Variants in SMARCD3 observed in about 807,000 individuals in gnomAD.
The protein encoded by SMARCD3 is SWI/SNF related BAF chromatin remodeling complex subunit D3.
Under a neutral mutation model 58.0 loss-of-function variants are expected in SMARCD3, and 14 were observed. That is an observed-to-expected ratio of 0.24 (90% CI 0.16 to 0.38). The LOEUF (loss-of-function observed/expected upper bound fraction) is 0.38. SMARCD3 is among the 10% of genes least tolerant of loss of function. The pLI, the probability that SMARCD3 is intolerant of heterozygous loss-of-function variation, is 1.00. For missense variants in SMARCD3, 408 were observed against 636.9 expected (o/e 0.64, Z 3.87); for synonymous variants, 253 against 253.8 (o/e 1.00, Z 0.03).
Position 151,243,520 on chromosome 7 carries a change from A to G in SMARCD3, c.333+139T>C. The G allele has an allele frequency of 1.5e-6, 1 of 662,738 alleles. No homozygotes were observed. The allele number at this position is 662,738 out of a possible 1,614,324, so 41.1% of individuals were successfully genotyped here. A position where few individuals can be genotyped will look rare whatever the true frequency, so the allele number is the denominator to read the frequency against. On this transcript the variant is annotated intron_variant, in intron 3 of 12. Transcript: ENST00000262188. The surrounding 1 kb of genome is among the most constrained non-coding windows in gnomAD (Gnocchi z 4.4). ...CTCACCCCCTCCCTCTGGCCTGCGG[A>G]GCCTCACTTATTAATGAGCTTTTTT...
At chr7:151,269,346 A>T (rs1036894522) in intron 2 of SMARCD3, among the ~76,000 whole-genome samples, 1 of 151,946 alleles carries the variant, frequency 6.6e-6, no homozygotes, top group African/African-American at 2.4e-5. Context: ...AAGCCTACAC[A>T]CCCTCGAGTC....
At chr7:151,258,986 C>T (rs925817801) in intron 2 of SMARCD3, among the ~76,000 whole-genome samples, 2 of 152,164 alleles carry the variant, frequency 1.3e-5, no homozygotes, top group African/African-American at 4.8e-5. Context: ...CCCTACAGGA[C>T]CCTACCCTTC....
chr7:151,249,738 C>T (rs1054615544), upstream of SMARCD3, among the ~76,000 whole-genome samples: 1 of 151,084 alleles, frequency 6.6e-6, no homozygotes, highest in Non-Finnish European at 1.5e-5. The surrounding 1 kb of genome is among the most constrained non-coding windows in gnomAD (Gnocchi z 4.8). Flanking sequence ...CTCAAGACCC[C>T]AAAGAGAGGG....
At chr7:151,277,055 C>A (rs1365285318), upstream of SMARCD3, 1 of 149,368 alleles carries the variant, frequency 6.7e-6, no homozygotes, top group Non-Finnish European at 1.5e-5. Flanking sequence ...GCCGTGGGGG[C>A]CGCGCGGCGC....
At chr7:151,257,054 T>C (rs1289239399) in intron 2 of SMARCD3, among the ~76,000 whole-genome samples, 2 of 152,178 alleles carry the variant, frequency 1.3e-5, no homozygotes, top group Non-Finnish European at 2.9e-5. Flanking sequence ...TCTTTCATTT[T>C]TTATTACTTT....
At chr7:151,264,336 G>A (rs1259472096) in intron 2 of SMARCD3, among the ~76,000 whole-genome samples, 1 of 152,180 alleles carries the variant, frequency 6.6e-6, no homozygotes, top group Non-Finnish European at 1.5e-5. Flanking sequence ...TGGGATTACA[G>A]GTGTGAGCCA....
chr7:151,248,694 T>A lies in SMARCD3; in HGVS notation c.-132A>T. The stretch of plus-strand genomic sequence containing the variant: ...CTCTCACACTTCTACTCGAGCGGAG[T>A]GGGGAGGGGGCCCCTTCAGGGCTGC... On this transcript the variant is annotated 5_prime_UTR_variant, in exon 1 of 13. Coordinates refer to ENST00000262188, the MANE Select transcript of SMARCD3 (RefSeq NM_001003801.2). The surrounding 1 kb of genome is among the most constrained non-coding windows in gnomAD (Gnocchi z 6.1). The A allele has an allele frequency of 7.2e-7, 1 of 1,387,170 alleles. No individual in the cohort carries two copies. Among genetic ancestry groups the A allele is most frequent in the Non-Finnish European group, 9.4e-7 (1 of 1,059,262 alleles). 85.9% of individuals were successfully genotyped at this position (1,387,170 alleles called of 1,614,324 possible).
intron 2 of SMARCD3, among the ~76,000 whole-genome samples, chr7:151,271,193 C>T (rs1432952834): frequency 6.6e-6 from 1 of 152,132 alleles, no homozygotes; most frequent in Admixed American, 6.5e-5. Context: ...TGAGGGCCTG[C>T]ACCAGCCGCA....
intron 1 of SMARCD3, among the ~76,000 whole-genome samples, chr7:151,275,883 G>A (rs1174338737): frequency 6.6e-6 from 1 of 152,170 alleles, no homozygotes; most frequent in East Asian, 1.9e-4. Context: ...GCTAAGAAGA[G>A]AGCAGTGCTG....
At chr7:151,273,353 C>G (rs1293402082) in intron 2 of SMARCD3, among the ~76,000 whole-genome samples, 1 of 152,206 alleles carries the variant, frequency 6.6e-6, no homozygotes, top group African/African-American at 2.4e-5. Flanking sequence ...CAGCCCAAGG[C>G]TCCCTCCGAC....
intron 2 of SMARCD3, among the ~76,000 whole-genome samples, chr7:151,264,674 T>A (rs1488797274): frequency 6.6e-6 from 1 of 152,140 alleles, no homozygotes; most frequent in East Asian, 1.9e-4. Flanking sequence ...AATGGTGGGA[T>A]CCATGGAGTT....
intron 2 of SMARCD3, among the ~76,000 whole-genome samples, chr7:151,273,235 C>G (rs1348616506): frequency 6.6e-6 from 1 of 152,222 alleles, no homozygotes; most frequent in African/African-American, 2.4e-5. Context: ...CCAGGTGTCA[C>G]TAGGATGGAC....
rs569743396 is a variant in SMARCD3, at chr7:151,243,404, C to A, written c.333+255G>T. Among the ~76,000 whole-genome samples, 2 of 152,316 alleles carry A rather than the reference C, an allele frequency of 1.3e-5. No individual in the cohort carries two copies. Among genetic ancestry groups the A allele is most frequent in the South Asian group, 2.1e-4 (1 of 4,828 alleles). On this transcript the variant is annotated intron_variant, in intron 3 of 12. Transcript: ENST00000262188. This position sits in a 1 kb window ranked among gnomAD's most constrained non-coding sequence, Gnocchi z 4.4. ...TCTGATCCCCTAGCTCTTGCCCCCT[C>A]CTGGTCCCACAGCTCTATAGTACCA...
Position 151,245,443 on chromosome 7 carries a change from C to T in SMARCD3, c.290+17G>A, listed in dbSNP as rs916940245. On this transcript the variant is annotated intron_variant, in intron 2 of 12. Transcript: ENST00000262188. The surrounding 1 kb of genome is among the most constrained non-coding windows in gnomAD (Gnocchi z 6.2). ...CCCGCCCCTGCACGCCCCCTCCTCGCCGGGCCTCCCACTCACCTGCGGCTC... is the reference window on the plus strand; with the variant it reads ...CCCGCCCCTGCACGCCCCCTCCTCGTCGGGCCTCCCACTCACCTGCGGCTC... The T allele has an allele frequency of 1.7e-5, 20 of 1,163,390 alleles. No individual in the cohort carries two copies. Among genetic ancestry groups the T allele is most frequent in the Non-Finnish European group, 6.5e-6 (6 of 927,136 alleles). The allele number at this position is 1,163,390 out of a possible 1,614,324, so 72.1% of individuals were successfully genotyped here.
In SMARCD3 at chr7:151,241,014, A is replaced by T; in HGVS notation, c.939+478T>A. ...GCTGTATTTATTTTTAAATGCATTA[A>T]TAAGAATATTCTCTGTTTTGGTGGA... On this transcript the variant is annotated intron_variant, in intron 8 of 12. Coordinates refer to ENST00000262188, the MANE Select transcript of SMARCD3 (RefSeq NM_001003801.2). The surrounding 1 kb of genome is among the most constrained non-coding windows in gnomAD (Gnocchi z 5.3). The T allele has an allele frequency of 4.2e-6, 1 of 240,898 alleles. No individual in the cohort carries two copies. The highest frequency in any genetic ancestry group is 5.7e-5 in the South Asian group (1 of 17,618). The allele number at this position is 240,898 out of a possible 1,614,324, so 14.9% of individuals were successfully genotyped here. A position where few individuals can be genotyped will look rare whatever the true frequency, so the allele number is the denominator to read the frequency against.
chr7:151,245,679 T>C lies in SMARCD3; in HGVS notation c.79-8A>G. ...AGACGGCATCCCGGGGCGCTGGGGG[T>C]GGGCGGGGGTGAAGCAGAAACGGGC... On this transcript the variant is annotated splice_polypyrimidine_tract_variant and splice_region_variant and intron_variant, in intron 1 of 12. Transcript: ENST00000262188. This position sits in a 1 kb window ranked among gnomAD's most constrained non-coding sequence, Gnocchi z 6.2. 1 of 429,138 alleles carries C rather than the reference T, an allele frequency of 2.3e-6. No homozygotes were observed. The allele number at this position is 429,138 out of a possible 1,614,324, so 26.6% of individuals were successfully genotyped here.
At chr7:151,273,804 C>T (rs1795250511) in intron 2 of SMARCD3, among the ~76,000 whole-genome samples, 1 of 152,208 alleles carries the variant, frequency 6.6e-6, no homozygotes, top group South Asian at 2.1e-4. Context: ...GGCTTGGATC[C>T]TCTGGGCCAG....
Position 151,248,588 on chromosome 7 carries a change from ACTCT to A in SMARCD3, c.-30_-27del, listed in dbSNP as rs747141473. 2.8e-5 allele frequency: 44 copies of A among 1,582,468 alleles called. No homozygotes were observed. Among genetic ancestry groups the A allele is most frequent in the East Asian group, 1.8e-4 (8 of 43,546 alleles). ...CGGGGTGGGCTCAGCGGCTCCTCTC[ACTCT>A]CTCTCTCTCTTCCTCTTTCTTTCCC... On this transcript the variant is annotated 5_prime_UTR_variant, in exon 1 of 13. Transcript: ENST00000262188. This position sits in a 1 kb window ranked among gnomAD's most constrained non-coding sequence, Gnocchi z 6.1.
chr7:151,262,092 CT>C (rs367849693), intron 2 of SMARCD3, among the ~76,000 whole-genome samples: 3,319 of 95,798 alleles, frequency 0.035, 100 homozygotes, highest in African/African-American at 0.091. Flanking sequence ...GCACTTCAAC[CT>C]TTTTTTTTTT....
Sources: gnomAD v4.1 joint callset for allele counts (sites outside exome capture counted in the v4.1 genomes callset) on GRCh38, gnomAD v4.1.1 for gene constraint, Gnocchi (gnomAD v3.1) non-coding constraint, MANE v1.5 for transcripts, NCBI Gene and HGNC (gene_info 2026-07-23, HGNC 2026-07-21) for gene names.